The following KRT8 variants were observed in gnomAD, a reference collection of about 807,000 sequenced individuals.
KRT8 encodes the protein keratin, type II cytoskeletal 8.
Under a neutral mutation model 43.0 loss-of-function variants are expected in KRT8, and 24 were observed. The observed-to-expected ratio is 0.56, with a 90% CI of 0.40 to 0.78. The LOEUF is 0.78. Among genes scored for constraint, KRT8 ranks in the 30% least tolerant of loss-of-function variants. KRT8 has a pLI of 0.00. For missense variants in KRT8, 492 were observed against 638.4 expected, an observed-to-expected ratio of 0.77 and a Z score of 2.47; for synonymous variants, 214 against 261.2, an observed-to-expected ratio of 0.82 and a Z score of 1.74.
Position 52,927,556 on chromosome 12 carries a change from G to C in KRT8, c.-47+21900C>G, listed in dbSNP as rs566905294. Among the ~76,000 whole-genome samples, 5 of 152,348 alleles carry C rather than the reference G, an allele frequency of 3.3e-5. No individual in the cohort carries two copies. The South Asian group carries it at 8.3e-4, about 25-fold the overall frequency. ...GGAGCAAAGGTCCTGGCCAGGGGTG[G>C]AGTCGCGAGGGCCCTGCTGCCTGCC... On this transcript the variant is annotated intron_variant, in intron 2 of 6. Transcript: ENST00000546826.
chr12:52,935,149 G>A (rs951403007), intron 2 of KRT8, among the ~76,000 whole-genome samples: 16 of 151,770 alleles, frequency 1.1e-4, no homozygotes, highest in African/African-American at 2.9e-4. Flanking sequence ...GGGAGGCCAA[G>A]GCAGATTGAT....
chr12:52,937,566 T>C (rs1439758325), intron 2 of KRT8, among the ~76,000 whole-genome samples: 3 of 150,456 alleles, frequency 2.0e-5, no homozygotes, highest in Non-Finnish European at 4.4e-5. Flanking sequence ...CATGTGACTA[T>C]AATCCCAGCT....
chr12:52,925,153 G>A lies in KRT8; in HGVS notation c.-46-20126C>T, dbSNP rs532021870. 9.2e-5 allele frequency among the ~76,000 whole-genome samples: 14 copies of A among 152,270 alleles called. No homozygotes were observed. In the East Asian group the frequency reaches 1.4e-3, roughly 15 times the overall value. On this transcript the variant is annotated intron_variant, in intron 2 of 6. Transcript: ENST00000546826. ...CTAGGCAGTTTTCTGAAAATGGTGCGTTCAGACAGCTCACTATTTCCTGTA... is the reference window on the plus strand; with the variant it reads ...CTAGGCAGTTTTCTGAAAATGGTGCATTCAGACAGCTCACTATTTCCTGTA...
intron 2 of KRT8, among the ~76,000 whole-genome samples, chr12:52,914,455 C>T (rs574175640): frequency 2.6e-5 from 4 of 151,764 alleles, no homozygotes; most frequent in African/African-American, 9.7e-5. Context: ...GAGAATTGCT[C>T]GAAGCCAGGA....
At chr12:52,925,825 A>G (rs1941978346) in intron 2 of KRT8, among the ~76,000 whole-genome samples, 2 of 152,136 alleles carry the variant, frequency 1.3e-5, no homozygotes, top group Non-Finnish European at 1.5e-5. Flanking sequence ...CTTAGAGGAC[A>G]GGAGGTGGAG....
At chr12:52,930,005 C>G (rs1942057841) in intron 2 of KRT8, among the ~76,000 whole-genome samples, 2 of 152,318 alleles carry the variant, frequency 1.3e-5, no homozygotes, top group Middle Eastern at 3.4e-3. Context: ...GTGGACATCA[C>G]TGCCTCCAAA....
At chr12:52,923,535 T>C (rs964261204) in intron 2 of KRT8, among the ~76,000 whole-genome samples, 2 of 152,156 alleles carry the variant, frequency 1.3e-5, no homozygotes, top group Admixed American at 6.5e-5. Context: ...TTCTCCTGCC[T>C]CAGCCTCCCG....
At position 52,901,047 on chromosome 12, in the gene KRT8, A is replaced by T. The variant is rs1941357219; in HGVS notation, c.594+112T>A. On this transcript the variant is annotated intron_variant, in intron 3 of 7. Coordinates refer to ENST00000692008, the Ensembl canonical transcript of KRT8. ...GTGCACCCAAATGTTTACATAAATG[A>T]GTTTGTCCCACTACTTAGGAATATT... 5 of 821,832 alleles carry T rather than the reference A, an allele frequency of 6.1e-6. No individual in the cohort carries two copies. The Admixed American group carries it at 8.5e-5, about 14-fold the overall frequency. The allele number at this position is 821,832 out of a possible 1,614,324, so 50.9% of individuals were successfully genotyped here. A position where few individuals can be genotyped will look rare whatever the true frequency, so the allele number is the denominator to read the frequency against.
At chr12:52,933,285 G>A (rs1410465501) in intron 2 of KRT8, among the ~76,000 whole-genome samples, 1 of 152,096 alleles carries the variant, frequency 6.6e-6, no homozygotes, top group Non-Finnish European at 1.5e-5. Flanking sequence ...TGAGAAATTG[G>A]AAATTCAAAC....
At chr12:52,949,685 C>G in intron 1 of KRT8, 1 of 1,112,314 alleles carries the variant, frequency 9.0e-7, no homozygotes, top group South Asian at 1.3e-5. Flanking sequence ...CCACCCAACC[C>G]CTACTCCACC....
intron 2 of KRT8, among the ~76,000 whole-genome samples, chr12:52,936,968 A>C (rs776161675): frequency 1.3e-5 from 2 of 152,232 alleles, no homozygotes; most frequent in Non-Finnish European, 2.9e-5. Flanking sequence ...AATTTCATGA[A>C]GAAGAACTTG....
At chr12:52,911,612 A>G (rs1941638236), upstream of KRT8, among the ~76,000 whole-genome samples, 1 of 152,210 alleles carries the variant, frequency 6.6e-6, no homozygotes, top group African/African-American at 2.4e-5. Flanking sequence ...TAGGTGCCAT[A>G]ATCTCTATTT....
intron 2 of KRT8, among the ~76,000 whole-genome samples, chr12:52,929,007 C>A (rs1592181276): frequency 6.6e-6 from 1 of 152,160 alleles, no homozygotes; most frequent in African/African-American, 2.4e-5. Flanking sequence ...AGAGGGGAGA[C>A]CATACTCGTT....
intron 3 of KRT8, 23 bp downstream of exon 3, chr12:52,901,136 T>C: frequency 1.3e-6 from 2 of 1,558,506 alleles, no homozygotes; most frequent in Non-Finnish European, 1.8e-6. Context: ...AGTGTCCAGA[T>C]AGGAGAAGGG....
upstream of KRT8, chr12:52,905,086 T>A (rs1000824320): frequency 1.5e-5 from 22 of 1,478,270 alleles, no homozygotes; most frequent in Middle Eastern, 2.2e-4. Context: ...TGGCCTTTTA[T>A]AAAAGAGATC....
intron 5 of KRT8, 30 bp from the exon 6 acceptor site, chr12:52,898,929 A>G (rs1031662081): frequency 1.2e-6 from 2 of 1,604,882 alleles, no homozygotes; most frequent in Non-Finnish European, 1.7e-6. Context: ...TAAGTAGGTC[A>G]GGTTGGGTAT....
chr12:52,949,088 G>T (rs7978102), intron 2 of KRT8: 339 of 1,278,422 alleles, frequency 2.7e-4, no homozygotes, highest in African/African-American at 2.6e-3. Flanking sequence ...CTCACTCTGC[G>T]ATATAACTCG....
intron 2 of KRT8, among the ~76,000 whole-genome samples, chr12:52,936,399 C>T (rs1378607773): frequency 6.6e-6 from 1 of 152,074 alleles, no homozygotes; most frequent in African/African-American, 2.4e-5. Context: ...GCCTGTAATC[C>T]CAGCACTTTT....
At chr12:52,915,599 A>G (rs1717632459) in intron 2 of KRT8, among the ~76,000 whole-genome samples, 1 of 152,016 alleles carries the variant, frequency 6.6e-6, no homozygotes, top group South Asian at 2.1e-4. Flanking sequence ...AGTCCCAGCT[A>G]CTTGGGAGGC....
Sources: allele counts gnomAD v4.1 joint callset (sites outside exome capture counted in the v4.1 genomes callset), GRCh38; gene constraint gnomAD v4.1.1; transcripts MANE v1.5; gene names NCBI Gene and HGNC (gene_info 2026-07-23, HGNC 2026-07-21).